Variants in GPATCH2 observed in about 807,000 individuals in gnomAD.
GPATCH2 encodes the protein G-patch domain containing 2, also known as G patch domain-containing protein 2.
A neutral mutation model predicts 58.0 loss-of-function variants in GPATCH2; 51 were observed. The ratio of observed to expected loss-of-function variants is 0.88; its 90% CI spans 0.70 to 1.11. GPATCH2 has a LOEUF of 1.11. GPATCH2 is among the 50% of genes most tolerant of loss of function. The pLI is 0.00. For synonymous variants in GPATCH2, 222 were observed against 218.5 expected, an observed-to-expected ratio of 1.02 and a Z score of -0.14; for missense variants, 625 against 652.2, an observed-to-expected ratio of 0.96 and a Z score of 0.45.
intron 5 of GPATCH2, among the ~76,000 whole-genome samples, chr1:217,593,638 C>A (rs1196507456): frequency 6.6e-6 from 1 of 152,042 alleles, no homozygotes; most frequent in Admixed American, 6.6e-5. Context: ...TTTAACCACC[C>A]ATGCGGTAAA....
chr1:217,551,723 G>A (rs956486750), intron 5 of GPATCH2, among the ~76,000 whole-genome samples: 1 of 152,020 alleles, frequency 6.6e-6, no homozygotes, highest in Non-Finnish European at 1.5e-5. Context: ...ATCATGTTAA[G>A]CAATTTATAT....
intron 6 of GPATCH2, among the ~76,000 whole-genome samples, chr1:217,514,038 G>A (rs1662995430): frequency 6.6e-6 from 1 of 151,932 alleles, no homozygotes; most frequent in African/African-American, 2.4e-5. Context: ...TGTTGGCCAG[G>A]CTGGTCTCGA....
At chr1:217,505,976 C>A (rs1662536384) in intron 6 of GPATCH2, among the ~76,000 whole-genome samples, 1 of 152,202 alleles carries the variant, frequency 6.6e-6, no homozygotes, top group Non-Finnish European at 1.5e-5. Flanking sequence ...GCATGTGCCA[C>A]CACGCCAGCT....
At chr1:217,558,210 G>A (rs532357739) in intron 5 of GPATCH2, among the ~76,000 whole-genome samples, 1 of 152,302 alleles carries the variant, frequency 6.6e-6, no homozygotes, top group East Asian at 1.9e-4. Flanking sequence ...TGAGGCTAAT[G>A]TCACCTCATC....
chr1:217,615,420 AG>A (rs1435474178), intron 2 of GPATCH2, among the ~76,000 whole-genome samples: 1 of 152,098 alleles, frequency 6.6e-6, no homozygotes, highest in Non-Finnish European at 1.5e-5. Flanking sequence ...ATATTTTCTA[AG>A]AGCATCACAA....
intron 5 of GPATCH2, among the ~76,000 whole-genome samples, chr1:217,516,142 T>C (rs959396049): frequency 7.9e-5 from 12 of 151,846 alleles, no homozygotes; most frequent in Admixed American, 2.6e-4. Context: ...AAAGGGAACA[T>C]AGCACTGTAC....
At chr1:217,587,207 A>G (rs1321778502) in intron 5 of GPATCH2, among the ~76,000 whole-genome samples, 2 of 152,218 alleles carry the variant, frequency 1.3e-5, no homozygotes, top group East Asian at 3.8e-4. Context: ...TTCTAAAAAC[A>G]AAAAGCAGGG....
chr1:217,539,787 C>T (rs1664644871), intron 5 of GPATCH2, among the ~76,000 whole-genome samples: 5 of 152,016 alleles, frequency 3.3e-5, no homozygotes, highest in South Asian at 2.1e-4. Context: ...AATGTTTTAT[C>T]GTAATGGCTA....
chr1:217,475,827 C>A (rs918383901), intron 8 of GPATCH2, among the ~76,000 whole-genome samples: 5 of 152,106 alleles, frequency 3.3e-5, no homozygotes, highest in African/African-American at 1.2e-4. Context: ...CATCTCTGTT[C>A]TCTTCTGGGA....
At chr1:217,604,373 A>T (rs1668260535) in intron 5 of GPATCH2, among the ~76,000 whole-genome samples, 1 of 152,092 alleles carries the variant, frequency 6.6e-6, no homozygotes, top group South Asian at 2.1e-4. Context: ...TCAGTGTCTA[A>T]TGTGAAATCT....
At chr1:217,630,893 C>G (rs1387348534) in intron 1 of GPATCH2, 23 bp downstream of exon 1, 1 of 1,571,368 alleles carries the variant, frequency 6.4e-7, no homozygotes, top group Non-Finnish European at 8.6e-7. Flanking sequence ...TGACCTCCCC[C>G]TCCCCAGGGC....
At chr1:217,479,927 T>C (rs1410321666) in intron 8 of GPATCH2, among the ~76,000 whole-genome samples, 2 of 152,134 alleles carry the variant, frequency 1.3e-5, no homozygotes, top group Non-Finnish European at 2.9e-5. Context: ...GAAGATTACG[T>C]AATGATAAAG....
intron 6 of GPATCH2, among the ~76,000 whole-genome samples, chr1:217,511,096 C>T (rs1052587502): frequency 2.0e-5 from 3 of 151,422 alleles, no homozygotes; most frequent in Non-Finnish European, 2.9e-5. Flanking sequence ...GAATCCGTGT[C>T]AAAAGAAAAA....
rs761361089 is a variant in GPATCH2, at chr1:217,449,307, G to A, written c.1308C>T (p.Cys436=). 5 of 1,607,606 alleles carry A rather than the reference G, an allele frequency of 3.1e-6. No homozygotes were observed. The highest frequency in any genetic ancestry group is 2.2e-5 in the South Asian group (2 of 90,952). ...RQTSMHLGSL[C]TGDIKRRRKA... is the part of the protein sequence containing the mutation. ...TTCTTCTCCGTTTGATATCTCCCGT[G>A]CATAAGGATCCTAAATGCATGCTTG... The change falls in exon 9 of 10, where the codon TGC becomes TGT. Residue 436 remains cysteine, a synonymous_variant. Transcript: ENST00000366935.
At chr1:217,523,755 C>T (rs1445370554) in intron 5 of GPATCH2, among the ~76,000 whole-genome samples, 2 of 149,232 alleles carry the variant, frequency 1.3e-5, no homozygotes, top group Admixed American at 1.3e-4. Context: ...GGCGGCCGGG[C>T]AGAGGCGCCC....
chr1:217,495,065 T>C, intron 7 of GPATCH2: 1 of 704,618 alleles, frequency 1.4e-6, no homozygotes, highest in Non-Finnish European at 1.7e-6. Context: ...TACAATCCCC[T>C]TATTAGTGAC....
At chr1:217,615,374 C>G (rs1176308049) in intron 2 of GPATCH2, among the ~76,000 whole-genome samples, 1 of 152,020 alleles carries the variant, frequency 6.6e-6, no homozygotes, top group African/African-American at 2.4e-5. Flanking sequence ...AGTGCATGTA[C>G]AAAGCTCCCT....
At chr1:217,470,964 C>A (rs1406604865) in intron 8 of GPATCH2, among the ~76,000 whole-genome samples, 1 of 151,910 alleles carries the variant, frequency 6.6e-6, no homozygotes, top group Admixed American at 6.6e-5. Context: ...ATTTTTCTAT[C>A]TGAAAGGCTA....
chr1:217,535,121 C>G (rs1370617679), intron 5 of GPATCH2, among the ~76,000 whole-genome samples: 1 of 152,158 alleles, frequency 6.6e-6, no homozygotes, highest in Non-Finnish European at 1.5e-5. Context: ...TGTTATAGCC[C>G]CAATCTGCTT....
Sources: gnomAD v4.1 joint callset for allele counts (sites outside exome capture counted in the v4.1 genomes callset) on GRCh38, gnomAD v4.1.1 for gene constraint, MANE v1.5 for transcripts, NCBI Gene and HGNC (gene_info 2026-07-23, HGNC 2026-07-21) for gene names.